Variants in MCMBP observed in about 807,000 individuals in gnomAD.
The protein encoded by MCMBP is minichromosome maintenance complex binding protein.
Under a neutral mutation model 81.3 loss-of-function variants are expected in MCMBP, and 31 were observed. That is an observed-to-expected ratio of 0.38 (90% CI 0.29 to 0.51). The LOEUF (loss-of-function observed/expected upper bound fraction) is 0.51. MCMBP is among the 20% of genes least tolerant of loss of function. The probability of loss-of-function intolerance (pLI) is 0.87; values close to 1 mark genes in which losing one functional copy is unlikely to be tolerated. For synonymous variants in MCMBP, 267 were observed against 275.9 expected, an observed-to-expected ratio of 0.97 and a Z score of 0.32; for missense variants, 645 against 772.1, an observed-to-expected ratio of 0.84 and a Z score of 1.95.
chr10:119,863,470 G>A (rs941506401), intron 1 of MCMBP, among the ~76,000 whole-genome samples: 2 of 151,980 alleles, frequency 1.3e-5, no homozygotes, highest in African/African-American at 4.8e-5. Flanking sequence ...GGTGGCTCAC[G>A]CCTGTAATCC....
rs1272504087 is a variant in MCMBP, at chr10:119,830,655, G to A, written c.*819C>T. Reference sequence around the variant, plus strand: ...TGGGATAGGAGAAAATAAAGACAATGTAGTGTCTTGGTTTCTTTTGCCCCC... The same window carrying A: ...TGGGATAGGAGAAAATAAAGACAATATAGTGTCTTGGTTTCTTTTGCCCCC... On this transcript the variant is annotated 3_prime_UTR_variant, in exon 16 of 16. Transcript: ENST00000369077. The A allele has an allele frequency of 1.3e-5, 2 of 152,524 alleles. No individual in the cohort carries two copies. Among genetic ancestry groups the A allele is most frequent in the Non-Finnish European group, 2.9e-5 (2 of 68,032 alleles). 9.4% of individuals were successfully genotyped at this position (152,524 alleles called of 1,614,324 possible). A position where few individuals can be genotyped will look rare whatever the true frequency, so the allele number is the denominator to read the frequency against.
At chr10:119,872,978 GGA>G (rs1175702910), upstream of MCMBP, 1 of 151,908 alleles carries the variant, frequency 6.6e-6, no homozygotes, top group African/African-American at 2.4e-5. Context: ...CCGCCATCTT[GGA>G]GACGGGCAAA....
intron 6 of MCMBP, among the ~76,000 whole-genome samples, chr10:119,850,715 C>T (rs1420467280): frequency 1.4e-5 from 2 of 138,934 alleles, no homozygotes; most frequent in African/African-American, 5.4e-5. Flanking sequence ...CACCACTGCA[C>T]TCCAGTCTGG....
chr10:119,842,928 T>C (rs1194582541), intron 9 of MCMBP: 1 of 373,470 alleles, frequency 2.7e-6, no homozygotes, highest in Non-Finnish European at 5.1e-6. Context: ...TAATTTTGTA[T>C]TTTTAGTAGA....
At chr10:119,869,292 G>A (rs1409463720) in intron 1 of MCMBP, among the ~76,000 whole-genome samples, 4 of 152,088 alleles carry the variant, frequency 2.6e-5, no homozygotes, top group South Asian at 2.1e-4. Flanking sequence ...AAAAATTAGC[G>A]GCTCGGTGTG....
intron 15 of MCMBP, among the ~76,000 whole-genome samples, chr10:119,831,810 T>C (rs1301874154): frequency 6.6e-6 from 1 of 152,184 alleles, no homozygotes; most frequent in African/African-American, 2.4e-5. Context: ...TCTTTGAAGC[T>C]TAGAGAACAA....
In MCMBP at chr10:119,838,633, G is replaced by A. The variant is rs779629719; in HGVS notation, c.1310C>T (p.Thr437Ile). 6.2e-7 allele frequency: 1 copy of A among 1,614,128 alleles called. No individual in the cohort carries two copies. The highest frequency in any genetic ancestry group is 1.1e-5 in the South Asian group (1 of 91,076). The change falls in exon 12 of 16, where the codon ACA (threonine) becomes ATA (isoleucine). Residue 437 changes from threonine (T) to isoleucine (I), a missense_variant. By Grantham distance (89) the Thr-to-Ile change is moderately conservative. Coordinates refer to ENST00000369077, the MANE Select transcript of MCMBP (RefSeq NM_001256378.2). ...HLKFIPHKDY[T>I]ANRLVSGLLQ... ...GAGCCCACTGACCAAGCGATTGGCTGTGTAGTCTTTGTGGGGAATGAATTT... is the reference window on the plus strand; with the variant it reads ...GAGCCCACTGACCAAGCGATTGGCTATGTAGTCTTTGTGGGGAATGAATTT...
chr10:119,846,421 T>C (rs780761761), intron 8 of MCMBP, among the ~76,000 whole-genome samples: 8 of 152,094 alleles, frequency 5.3e-5, no homozygotes, highest in Non-Finnish European at 7.4e-5. Flanking sequence ...GCCAACAAAG[T>C]AATAACTGAT....
chr10:119,834,444 A>G (rs1208357205), intron 14 of MCMBP, among the ~76,000 whole-genome samples: 1 of 152,176 alleles, frequency 6.6e-6, no homozygotes, highest in African/African-American at 2.4e-5. Context: ...AAATGATGAG[A>G]CAAAGACTAT....
chr10:119,868,914 AG>A (rs1853566433), intron 1 of MCMBP, among the ~76,000 whole-genome samples: 1 of 152,156 alleles, frequency 6.6e-6, no homozygotes, highest in Admixed American at 6.5e-5. Context: ...GAGTATGAGG[AG>A]GGGGTACGCA....
At chr10:119,841,023 CGAA>C (rs1852413906) in intron 10 of MCMBP, 63 bp from the exon 11 acceptor site, 3 of 940,336 alleles carry the variant, frequency 3.2e-6, no homozygotes, top group East Asian at 2.5e-5. Flanking sequence ...TATCAAATAG[CGAA>C]GAATAGAAAA....
In MCMBP at chr10:119,838,647, G is replaced by C; in HGVS notation, c.1296C>G (p.Pro432=). The change falls in exon 12 of 16, where the codon CCC becomes CCG. Residue 432 remains proline (P), a synonymous_variant. Transcript: ENST00000369077. ...AGCGATTGGCTGTGTAGTCTTTGTG[G>C]GGAATGAATTTCAAATGGTTCATGT... The part of the protein sequence containing the change: ...IENMNHLKFI[P]HKDYTANRLV... The C allele has an allele frequency of 6.2e-7, 1 of 1,614,108 alleles. No homozygotes were observed. The highest frequency in any genetic ancestry group is 1.7e-5 in the Admixed American group (1 of 60,010).
rs980712725 is a variant in MCMBP, at chr10:119,838,563, G to C, written c.1380C>G (p.Leu460=). The C allele has an allele frequency of 6.2e-7, 1 of 1,614,088 alleles. No homozygotes were observed. ...SNTSLVIDET[L]LEQGQLDTPG... ...GGGTATCCAGCTGCCCCTGTTCCAGGAGAGTCTCATCGATTACAAGGGAAG... is the reference window on the plus strand; with the variant it reads ...GGGTATCCAGCTGCCCCTGTTCCAGCAGAGTCTCATCGATTACAAGGGAAG... Residue 460 remains leucine, a synonymous_variant, in exon 12 of 16, where the codon CTC becomes CTG. Coordinates refer to ENST00000369077, the MANE Select transcript of MCMBP (RefSeq NM_001256378.2).
intron 1 of MCMBP, among the ~76,000 whole-genome samples, chr10:119,862,460 T>C (rs894754001): frequency 2.6e-5 from 4 of 152,208 alleles, no homozygotes; most frequent in Non-Finnish European, 5.9e-5. Context: ...CAGTGAATCA[T>C]ATAAGTCCTA....
chr10:119,857,544 T>C (rs547555273), intron 4 of MCMBP, 105 bp from the exon 5 acceptor site: 12 of 581,090 alleles, frequency 2.1e-5, no homozygotes, highest in African/African-American at 9.5e-5. Context: ...ACAGCAAATA[T>C]TTTACAGATT....
chr10:119,873,278 G>A (rs1301380490), upstream of MCMBP, among the ~76,000 whole-genome samples: 1 of 152,060 alleles, frequency 6.6e-6, no homozygotes. Context: ...CTTTTATTTG[G>A]GTCCCCGGCC....
intron 5 of MCMBP, among the ~76,000 whole-genome samples, chr10:119,853,756 T>C (rs944891557): frequency 1.3e-5 from 2 of 152,198 alleles, no homozygotes; most frequent in Non-Finnish European, 2.9e-5. Context: ...CAGCTGCTAG[T>C]TGGCAGAGAG....
At position 119,831,562 on chromosome 10, in the gene MCMBP, CTT is replaced by C. The variant is rs1278400633; in HGVS notation, c.1833_1834del (p.Glu613ThrfsTer26). The C allele has an allele frequency of 6.2e-7, 1 of 1,614,002 alleles. No homozygotes were observed. Among genetic ancestry groups the C allele is most frequent in the Non-Finnish European group, 8.5e-7 (1 of 1,179,938 alleles). On this transcript the variant is annotated frameshift_variant, in exon 16 of 16. Transcript: ENST00000369077. LOFTEE classifies it high-confidence loss of function. ...CTGCTTTGCTCTCAGCCATCGTTCT[CTT>C]GACAGCGTTGTCTGACCAGCACTGA...
intron 5 of MCMBP, 63 bp downstream of exon 5, chr10:119,857,275 A>T: frequency 8.4e-7 from 1 of 1,192,344 alleles, no homozygotes; most frequent in African/African-American, 1.5e-5. Context: ...GCAAAGGAAG[A>T]ATAATTAAAG....
Sources: allele counts gnomAD v4.1 joint callset (sites outside exome capture counted in the v4.1 genomes callset), GRCh38; gene constraint gnomAD v4.1.1; transcripts MANE v1.5; gene names NCBI Gene and HGNC (gene_info 2026-07-23, HGNC 2026-07-21).